CNOT2: variants seen among roughly 807,000 people sequenced by gnomAD.
The protein encoded by CNOT2 is CCR4-NOT transcription complex subunit 2.
CNOT2 carries 7 observed loss-of-function variants against 72.1 expected under a neutral mutation model. The observed-to-expected ratio is 0.10, with a 90% CI of 0.06 to 0.18. The LOEUF (loss-of-function observed/expected upper bound fraction) is 0.18. Ranked by LOEUF, CNOT2 falls within the 10% of genes least tolerant of loss-of-function variation. The pLI is 1.00. For synonymous variants in CNOT2, 196 were observed against 225.6 expected, an observed-to-expected ratio of 0.87 and a Z score of 1.17; for missense variants, 345 against 660.3, an observed-to-expected ratio of 0.52 and a Z score of 5.23.
rs1464737344 is a variant in CNOT2, at chr12:70,278,186, A to G, written c.-41A>G. On this transcript the variant is annotated 5_prime_UTR_variant, in exon 2 of 16. Coordinates refer to ENST00000229195, the MANE Select transcript of CNOT2 (RefSeq NM_014515.7). Reference sequence around the variant, plus strand: ...GACACGACCCTTGAGTGACAGTTCTATTTGATTGCCTCCGGTACTGTGAGG... The same window carrying G: ...GACACGACCCTTGAGTGACAGTTCTGTTTGATTGCCTCCGGTACTGTGAGG... 11 of 1,385,700 alleles carry G rather than the reference A, an allele frequency of 7.9e-6. No homozygotes were observed. The highest frequency in any genetic ancestry group is 4.4e-5 in the African/African-American group (3 of 67,816). The allele number at this position is 1,385,700 out of a possible 1,614,324, so 85.8% of individuals were successfully genotyped here.
At chr12:70,330,510 G>A (rs1287941786) in intron 6 of CNOT2, 41 bp downstream of exon 6, 9 of 1,439,806 alleles carry the variant, frequency 6.3e-6, no homozygotes, top group Non-Finnish European at 8.6e-6. Context: ...GTCTTTCTGG[G>A]TATACTCAGA....
chr12:70,274,766 G>A (rs1178564140), intron 1 of CNOT2, among the ~76,000 whole-genome samples: 1 of 152,014 alleles, frequency 6.6e-6, no homozygotes, highest in Non-Finnish European at 1.5e-5. Context: ...CATATTAATG[G>A]AATTGTTCAA....
chr12:70,306,260 G>A (rs375497433), intron 2 of CNOT2, among the ~76,000 whole-genome samples: 172 of 151,992 alleles, frequency 1.1e-3, no homozygotes, highest in African/African-American at 3.8e-3. Flanking sequence ...GGTTCAAGCA[G>A]TTCTCCCACC....
At chr12:70,279,145 G>C (rs1368671861) in intron 2 of CNOT2, among the ~76,000 whole-genome samples, 1 of 152,102 alleles carries the variant, frequency 6.6e-6, no homozygotes, top group Non-Finnish European at 1.5e-5. Context: ...TTCCCTCTAG[G>C]TTGTGAAGGC....
At chr12:70,336,171 G>A (rs1027333622) in intron 8 of CNOT2, 1 of 152,188 alleles carries the variant, frequency 6.6e-6, no homozygotes, top group African/African-American at 2.4e-5. Flanking sequence ...GACATTGGCA[G>A]ATGTCACCTG....
chr12:70,303,568 G>A (rs917094243), intron 2 of CNOT2, among the ~76,000 whole-genome samples: 3 of 152,218 alleles, frequency 2.0e-5, no homozygotes, highest in African/African-American at 7.2e-5. Flanking sequence ...GGCTTGTAGA[G>A]TTTCTGCCGA....
At chr12:70,252,278 C>T (rs1301149197) in intron 1 of CNOT2, among the ~76,000 whole-genome samples, 3 of 152,112 alleles carry the variant, frequency 2.0e-5, no homozygotes, top group African/African-American at 4.8e-5. Flanking sequence ...CCTTGACCTC[C>T]TGGGCTTAAT....
At chr12:70,304,617 G>T (rs891237665) in intron 2 of CNOT2, among the ~76,000 whole-genome samples, 1 of 152,166 alleles carries the variant, frequency 6.6e-6, no homozygotes, top group African/African-American at 2.4e-5. Flanking sequence ...CCTACTGGGG[G>T]GTCAGGGACC....
At chr12:70,337,637 A>C (rs1030991036) in intron 9 of CNOT2, 124 bp downstream of exon 9, 12 of 975,232 alleles carry the variant, frequency 1.2e-5, no homozygotes, top group Non-Finnish European at 1.6e-5. Context: ...TAATAACCTA[A>C]CTTCTGAAGA....
chr12:70,308,718 T>C (rs1248934717), intron 2 of CNOT2, among the ~76,000 whole-genome samples: 3 of 152,150 alleles, frequency 2.0e-5, no homozygotes, highest in African/African-American at 7.2e-5. Context: ...TTGCAAGATA[T>C]TAAGCATAAA....
intron 4 of CNOT2, 149 bp downstream of exon 4, chr12:70,319,513 A>G (rs891995566): frequency 1.0e-5 from 7 of 697,118 alleles, no homozygotes; most frequent in Non-Finnish European, 1.7e-5. Flanking sequence ...TTTTACTTAC[A>G]TAGCAAAACC....
At chr12:70,303,988 C>A (rs1365090383) in intron 2 of CNOT2, among the ~76,000 whole-genome samples, 1 of 152,238 alleles carries the variant, frequency 6.6e-6, no homozygotes, top group Admixed American at 6.5e-5. Flanking sequence ...TTTCTTCCAG[C>A]TGATCTCATT....
At chr12:70,316,812 CCCT>C (rs1402509036) in intron 3 of CNOT2, among the ~76,000 whole-genome samples, 1 of 152,114 alleles carries the variant, frequency 6.6e-6, no homozygotes, top group Non-Finnish European at 1.5e-5. Context: ...CCTACTTACT[CCCT>C]CCTCCCATTT....
chr12:70,259,280 A>G (rs1357413428), intron 1 of CNOT2, among the ~76,000 whole-genome samples: 1 of 151,296 alleles, frequency 6.6e-6, no homozygotes, highest in East Asian at 2.0e-4. Context: ...CTTAGTTTTT[A>G]GTGTTGATCT....
chr12:70,294,828 G>A (rs1872566592), intron 2 of CNOT2, among the ~76,000 whole-genome samples: 1 of 152,110 alleles, frequency 6.6e-6, no homozygotes, highest in South Asian at 2.1e-4. Context: ...AGGAGGACTG[G>A]AACATTTCTA....
At chr12:70,340,087 A>G (rs1211827349) in intron 11 of CNOT2, among the ~76,000 whole-genome samples, 2 of 152,196 alleles carry the variant, frequency 1.3e-5, no homozygotes, top group Admixed American at 6.5e-5. Context: ...AAACTTTTCA[A>G]AGAGTCATCT....
intron 2 of CNOT2, among the ~76,000 whole-genome samples, chr12:70,299,867 A>G (rs1164884793): frequency 1.3e-5 from 2 of 152,164 alleles, no homozygotes; most frequent in Admixed American, 6.5e-5. Flanking sequence ...CTATTTCTCC[A>G]CATCCTCTCT....
At chr12:70,246,284 A>G (rs756870586) in intron 1 of CNOT2, among the ~76,000 whole-genome samples, 1 of 152,232 alleles carries the variant, frequency 6.6e-6, no homozygotes, top group Non-Finnish European at 1.5e-5. Context: ...AGGCAAACTA[A>G]CAATGCCATG....
intron 2 of CNOT2, among the ~76,000 whole-genome samples, chr12:70,286,688 A>G (rs962850674): frequency 6.7e-6 from 1 of 149,934 alleles, no homozygotes; most frequent in Non-Finnish European, 1.5e-5. Flanking sequence ...CTTTTTCTTC[A>G]TAAGAGTCTT....
Sources: allele counts gnomAD v4.1 joint callset (sites outside exome capture counted in the v4.1 genomes callset), GRCh38; gene constraint gnomAD v4.1.1; transcripts MANE v1.5; gene names NCBI Gene and HGNC (gene_info 2026-07-23, HGNC 2026-07-21).